The following A2M variants were observed in gnomAD, a reference collection of about 807,000 sequenced individuals.
A2M encodes alpha-2-macroglobulin, also known as C3 and PZP-like alpha-2-macroglobulin domain-containing protein 5.
Under a neutral mutation model 183.9 loss-of-function variants are expected in A2M, and 128 were observed. The ratio of observed to expected loss-of-function variants is 0.70; its 90% CI spans 0.60 to 0.81. The LOEUF (loss-of-function observed/expected upper bound fraction) is 0.81, where lower values mean the gene tolerates loss of function less well. A2M is among the 30% of genes least tolerant of loss of function. The probability of loss-of-function intolerance (pLI) is 0.00; values close to 1 mark genes in which losing one functional copy is unlikely to be tolerated. For missense variants in A2M, 1,495 were observed against 1,787.6 expected, an observed-to-expected ratio of 0.84 and a Z score of 2.95; for synonymous variants, 592 against 670.8, an observed-to-expected ratio of 0.88 and a Z score of 1.81.
At chr12:9,076,613 G>A in intron 28 of A2M, 143 bp downstream of exon 28, 1 of 672,244 alleles carries the variant, frequency 1.5e-6, no homozygotes, top group Non-Finnish European at 2.4e-6. Context: ...GATTTTATAA[G>A]ATGCAATATG....
At chr12:9,093,079 G>C (rs1300791106) in intron 18 of A2M, among the ~76,000 whole-genome samples, 2 of 152,164 alleles carry the variant, frequency 1.3e-5, no homozygotes, top group East Asian at 1.9e-4. Flanking sequence ...AGAGTAGAAA[G>C]GTGGTTGGGG....
intron 15 of A2M, 139 bp downstream of exon 15, chr12:9,098,468 G>GC: frequency 1.3e-6 from 1 of 768,946 alleles, no homozygotes; most frequent in Non-Finnish European, 1.9e-6. Context: ...ACCAATGAAA[G>GC]CCCACAAGAG....
chr12:9,095,142 G>A lies in A2M; in HGVS notation c.2014-58C>T, dbSNP rs367763504. On this transcript the variant is annotated intron_variant, in intron 16 of 35. Transcript: ENST00000318602. ...ATATATTATAAAATATACATAGGTA[G>A]CTACTTCTTTTTATTGAATTTGACA... The A allele has an allele frequency of 5.5e-5, 49 of 888,758 alleles. No homozygotes were observed. The South Asian group carries it at 7.7e-4, about 14-fold the overall frequency. The allele number at this position is 888,758 out of a possible 1,614,324, so 55.1% of individuals were successfully genotyped here.
At chr12:9,081,507 T>G (rs1486717469) in intron 22 of A2M, among the ~76,000 whole-genome samples, 1 of 152,228 alleles carries the variant, frequency 6.6e-6, no homozygotes, top group Non-Finnish European at 1.5e-5. Flanking sequence ...AACTAGCTGC[T>G]ATCCACAGAT....
chr12:9,068,804 C>T lies in A2M; in HGVS notation c.4302G>A (p.Leu1434=), dbSNP rs1948473019. 2 of 1,608,604 alleles carry T rather than the reference C, an allele frequency of 1.2e-6. No individual in the cohort carries two copies. The highest frequency in any genetic ancestry group is 1.7e-6 in the Non-Finnish European group (2 of 1,177,566). The change falls in exon 34 of 36, where the codon CTG becomes CTA. Residue 1434 remains leucine, a synonymous_variant. Coordinates refer to ENST00000318602, the MANE Select transcript of A2M (RefSeq NM_000014.6). The part of the protein sequence containing the change: ...NQTLSLFFTV[L]QDVPVRDLKP... ...TCAGATCTCTTACTGGGACATCTTG[C>T]AGAACCGTGAAGAACAAGCTCAGTG...
In A2M at chr12:9,112,404, T is replaced by A. The variant is rs373266452; in HGVS notation, c.403A>T (p.Lys135Ter). 6 of 1,613,906 alleles carry A rather than the reference T, an allele frequency of 3.7e-6. No homozygotes were observed. The African/African-American group carries it at 8.0e-5, about 22-fold the overall frequency. The change falls in exon 3 of 36, where the codon AAA becomes TAA. Residue 135 changes from lysine to a stop codon, truncating the protein, a stop_gained. Coordinates refer to ENST00000318602, the MANE Select transcript of A2M (RefSeq NM_000014.6). LOFTEE classifies it high-confidence loss of function. ...EDSLVFVQTD[K>*]SIYKPGQTVK... ...GTCTGCCCTGGTTTGTAGATTGATT[T>A]GTCTGTCTGGACAAAGACCAGACTG...
chr12:9,101,693 T>G lies in A2M; in HGVS notation c.1267-19A>C, dbSNP rs1397686090. Reference sequence around the variant, plus strand: ...AATTGACCTAATGAATTAGAAAAATTATATTATTTTTAGATTATACGTCAT... The same window carrying G: ...AATTGACCTAATGAATTAGAAAAATGATATTATTTTTAGATTATACGTCAT... On this transcript the variant is annotated intron_variant, in intron 11 of 35. Coordinates refer to ENST00000318602, the MANE Select transcript of A2M (RefSeq NM_000014.6). 1.3e-6 allele frequency: 2 copies of G among 1,541,184 alleles called. No individual in the cohort carries two copies. The highest frequency in any genetic ancestry group is 1.8e-6 in the Non-Finnish European group (2 of 1,128,010).
At chr12:9,070,945 C>G (rs1037341969) in intron 31 of A2M, among the ~76,000 whole-genome samples, 2 of 152,062 alleles carry the variant, frequency 1.3e-5, no homozygotes, top group African/African-American at 2.4e-5. Context: ...CTCAGCCTCC[C>G]GAGTAGCTGG....
intron 1 of A2M, 70 bp from the exon 2 acceptor site, chr12:9,113,613 CCAT>C: frequency 7.0e-7 from 1 of 1,419,454 alleles, no homozygotes; most frequent in Non-Finnish European, 9.8e-7. Flanking sequence ...GCACTTTTTT[CCAT>C]CATCATAATT....
intron 22 of A2M, among the ~76,000 whole-genome samples, chr12:9,081,149 G>A (rs762793431): frequency 5.3e-5 from 8 of 152,060 alleles, no homozygotes; most frequent in Non-Finnish European, 1.0e-4. Flanking sequence ...AAGAATTAGT[G>A]TCATACAACT....
intron 7 of A2M, 44 bp from the exon 8 acceptor site, chr12:9,107,688 C>A: frequency 6.2e-7 from 1 of 1,603,342 alleles, no homozygotes; most frequent in Non-Finnish European, 8.5e-7. Flanking sequence ...AGACACTGAA[C>A]CTCCCCATTT....
chr12:9,094,239 G>A (rs550916275), intron 17 of A2M, among the ~76,000 whole-genome samples: 46 of 150,916 alleles, frequency 3.0e-4, no homozygotes, highest in Middle Eastern at 6.8e-3. Flanking sequence ...ATTCTCTATC[G>A]TGTCAGAAGA....
chr12:9,104,531 A>AT (rs1938138243), intron 10 of A2M, 131 bp from the exon 11 acceptor site: 1 of 933,196 alleles, frequency 1.1e-6, no homozygotes. Context: ...ACAGCAGTGA[A>AT]AAAAAACGAA....
chr12:9,096,006 G>T (rs1412671156), intron 15 of A2M, among the ~76,000 whole-genome samples: 1 of 151,578 alleles, frequency 6.6e-6, no homozygotes, highest in Non-Finnish European at 1.5e-5. Context: ...TGATCCACCC[G>T]CCTCGGCCTC....
intron 11 of A2M, among the ~76,000 whole-genome samples, chr12:9,102,867 C>T (rs1048679203): frequency 6.6e-6 from 1 of 152,042 alleles, no homozygotes; most frequent in Non-Finnish European, 1.5e-5. Context: ...GCTTTTATGC[C>T]ATCTATTAAA....
In A2M at chr12:9,099,383, T is replaced by C. The variant is rs376425831; in HGVS notation, c.1699A>G (p.Lys567Glu). 6.4e-7 allele frequency: 1 copy of C among 1,555,102 alleles called. No homozygotes were observed. Among genetic ancestry groups the C allele is most frequent in the Non-Finnish European group, 8.7e-7 (1 of 1,148,734 alleles). The part of the protein sequence containing the change: ...KYDVENCLAN[K>E]VDLSFSPSQS... ...ATTTTATGATCTAAAACACACACCT[T>C]GTTGGCCAGACAATTTTCAACATCA... The change falls in exon 14 of 36, where the codon AAG becomes GAG. Residue 567 changes from lysine (K) to glutamate (E), a missense_variant and splice_region_variant. Physicochemically the swap from Lys to Glu is moderately conservative, Grantham distance 56 (BLOSUM62 1). Coordinates refer to ENST00000318602, the MANE Select transcript of A2M (RefSeq NM_000014.6).
At chr12:9,091,122 G>T (rs893172411) in intron 19 of A2M, 79 bp downstream of exon 19, 2 of 1,488,660 alleles carry the variant, frequency 1.3e-6, no homozygotes. Context: ...GCATACAAGA[G>T]TTTGCAGTAT....
At chr12:9,101,080 T>C in intron 13 of A2M, 64 bp downstream of exon 13, 1 of 1,439,296 alleles carries the variant, frequency 6.9e-7, no homozygotes, top group African/African-American at 1.4e-5. Flanking sequence ...TTCTGATACT[T>C]CCGTGGTGTA....
At chr12:9,093,021 A>C (rs1482563615) in intron 18 of A2M, among the ~76,000 whole-genome samples, 1 of 152,220 alleles carries the variant, frequency 6.6e-6, no homozygotes, top group African/African-American at 2.4e-5. Flanking sequence ...GTACTGCGTG[A>C]TCTTACTTGT....
Sources: gnomAD v4.1 joint callset for allele counts (sites outside exome capture counted in the v4.1 genomes callset) on GRCh38, gnomAD v4.1.1 for gene constraint, MANE v1.5 for transcripts, NCBI Gene and HGNC (gene_info 2026-07-23, HGNC 2026-07-21) for gene names.